TLN2: variants seen among roughly 807,000 people sequenced by gnomAD.
The protein encoded by TLN2 is talin-2.
A neutral mutation model predicts 294.7 loss-of-function variants in TLN2; 118 were observed. That is an observed-to-expected ratio of 0.40 (90% CI 0.34 to 0.47). The LOEUF (loss-of-function observed/expected upper bound fraction) is 0.47. TLN2 is among the 20% of genes least tolerant of loss of function. TLN2 has a pLI of 0.84. For synonymous variants in TLN2, 1,431 were observed against 1,304.5 expected, an observed-to-expected ratio of 1.10 and a Z score of -2.09; for missense variants, 3,083 against 3,282.2, an observed-to-expected ratio of 0.94 and a Z score of 1.48.
At chr15:62,840,434 G>C in intron 58 of TLN2, 48 bp from the exon 59 acceptor site, 1 of 1,608,882 alleles carries the variant, frequency 6.2e-7, no homozygotes, top group Non-Finnish European at 8.5e-7. Flanking sequence ...GGGTCGGAGG[G>C]TTTTCTACAA....
chr15:62,826,787 G>C (rs1029073014), intron 54 of TLN2, among the ~76,000 whole-genome samples: 2 of 152,192 alleles, frequency 1.3e-5, no homozygotes, highest in Non-Finnish European at 2.9e-5. Flanking sequence ...CCTCACTCCT[G>C]TTGTGGGAGT....
chr15:62,417,076 G>A (rs374749493), intron 1 of TLN2, among the ~76,000 whole-genome samples: 12 of 152,286 alleles, frequency 7.9e-5, no homozygotes, highest in African/African-American at 2.9e-4. Context: ...ACGTTGGGGA[G>A]TGCTGTGGAG....
intron 1 of TLN2, among the ~76,000 whole-genome samples, chr15:62,462,088 A>G (rs900456583): frequency 2.0e-5 from 3 of 151,898 alleles, no homozygotes; most frequent in Admixed American, 6.5e-5. Flanking sequence ...TACAAAAATT[A>G]GCCGGGCGTG....
chr15:62,406,483 C>G (rs2033413741), intron 1 of TLN2, among the ~76,000 whole-genome samples: 1 of 152,210 alleles, frequency 6.6e-6, no homozygotes. Context: ...TGCAGAGTAG[C>G]ACTACCCCAC....
In TLN2 at chr15:62,650,092, T is replaced by C; in HGVS notation, c.145T>C (p.Tyr49His). Residue 49 changes from tyrosine to histidine, a missense_variant, in exon 5 of 59, where the codon TAT becomes CAT. Transcript: ENST00000636159. ...PEAQTGQASD[Y>H]GLFLSDEDPR... ...TCCCATTTATATTTCAGCTTCTGAC[T>C]ATGGACTCTTTCTTTCGGATGAAGA... The C allele has an allele frequency of 6.2e-7, 1 of 1,614,146 alleles. No individual in the cohort carries two copies. The highest frequency in any genetic ancestry group is 8.5e-7 in the Non-Finnish European group (1 of 1,180,000).
chr15:62,572,695 T>G (rs555685561), intron 1 of TLN2, among the ~76,000 whole-genome samples: 1 of 152,256 alleles, frequency 6.6e-6, no homozygotes, highest in African/African-American at 2.4e-5. Flanking sequence ...CCTGACACTT[T>G]CTTTGCAAGC....
Position 62,800,620 on chromosome 15 carries a change from C to T in TLN2, c.6361-33C>T, listed in dbSNP as rs377585451. ...AGTAGGGGCTGGACCTGAGTCACTG[C>T]ACTATCTGTATTCATTCTCCCTTCC... On this transcript the variant is annotated intron_variant, in intron 49 of 58. Coordinates refer to ENST00000636159, the MANE Select transcript of TLN2 (RefSeq NM_015059.3). The T allele has an allele frequency of 3.7e-6, 6 of 1,612,340 alleles. No homozygotes were observed. In the African/African-American group the frequency reaches 6.7e-5, roughly 18 times the overall value.
At position 62,414,547 on chromosome 15, in the gene TLN2, C is replaced by T. The variant is rs1266622723; in HGVS notation, c.-238+23862C>T. On this transcript the variant is annotated intron_variant, in intron 1 of 58. Transcript: ENST00000636159. The stretch of plus-strand genomic sequence containing the variant: ...GAACCATACGCTCTGGGCTGGGGCT[C>T]AGGAACCGTTGTTTTAACAAGTTCT... Among the ~76,000 whole-genome samples, 3 of 140,476 alleles carry T rather than the reference C, an allele frequency of 2.1e-5. 1 individual carries two copies. Among genetic ancestry groups the T allele is most frequent in the Non-Finnish European group, 4.6e-5 (3 of 65,820 alleles). 92.2% of individuals were successfully genotyped at this position (140,476 alleles called of 152,430 possible). A position where few individuals can be genotyped will look rare whatever the true frequency, so the allele number is the denominator to read the frequency against.
At chr15:62,634,497 G>C (rs1186916859) in intron 3 of TLN2, among the ~76,000 whole-genome samples, 3 of 152,210 alleles carry the variant, frequency 2.0e-5, no homozygotes, top group African/African-American at 7.2e-5. Flanking sequence ...GTCCTCAACT[G>C]TGCTGTAGAG....
At chr15:62,431,642 G>T (rs1225043459) in intron 1 of TLN2, among the ~76,000 whole-genome samples, 1 of 152,176 alleles carries the variant, frequency 6.6e-6, no homozygotes, top group Non-Finnish European at 1.5e-5. Flanking sequence ...AAGTTTGGAT[G>T]CTGAAAGAAT....
At chr15:62,807,750 C>T (rs2066394634) in intron 51 of TLN2, among the ~76,000 whole-genome samples, 1 of 152,176 alleles carries the variant, frequency 6.6e-6, no homozygotes, top group African/African-American at 2.4e-5. Flanking sequence ...GTTATCTGGG[C>T]ATTGCAGGAC....
chr15:62,583,771 C>G (rs191327398), intron 1 of TLN2, among the ~76,000 whole-genome samples: 1 of 152,202 alleles, frequency 6.6e-6, no homozygotes, highest in East Asian at 1.9e-4. Flanking sequence ...AAGTAGAGTT[C>G]CTGTTCTCAT....
At chr15:62,564,936 A>ATG (rs2043276055) in intron 1 of TLN2, among the ~76,000 whole-genome samples, 3 of 147,600 alleles carry the variant, frequency 2.0e-5, no homozygotes, top group Non-Finnish European at 3.0e-5. Flanking sequence ...ATATATATAT[A>ATG]TATATACTGC....
intron 34 of TLN2, among the ~76,000 whole-genome samples, chr15:62,751,257 G>A (rs79114586): frequency 8.2e-4 from 125 of 152,268 alleles, no homozygotes; most frequent in African/African-American, 2.8e-3. Flanking sequence ...AATGGATGTC[G>A]AGCTGTTGCA....
At chr15:62,536,375 C>G (rs1302612429) in intron 1 of TLN2, among the ~76,000 whole-genome samples, 1 of 152,106 alleles carries the variant, frequency 6.6e-6, no homozygotes, top group African/African-American at 2.4e-5. Flanking sequence ...TCCCTCTTCC[C>G]TTCTCTCATC....
chr15:62,576,528 G>C lies in TLN2; in HGVS notation c.-237-13159G>C, dbSNP rs76787433. 3.8e-3 allele frequency among the ~76,000 whole-genome samples: 570 copies of C among 150,772 alleles called. 5 individuals are homozygous for C. The highest frequency in any genetic ancestry group is 0.013 in the African/African-American group (536 of 41,012). On this transcript the variant is annotated intron_variant, in intron 1 of 58. Transcript: ENST00000636159. The stretch of plus-strand genomic sequence containing the variant: ...TCCAAGGGGCAGGGAGGGAGCGCGA[G>C]AATTGCTGATACTTGCCCCATAAGT...
rs113980131 is a variant in TLN2 at position 62,698,244 on chromosome 15, GT to G, written c.1473+377del. Among the ~76,000 whole-genome samples, 3 of 152,272 alleles carry G rather than the reference GT, an allele frequency of 2.0e-5. 1 individual carries two copies. The highest frequency in any genetic ancestry group is 7.2e-5 in the African/African-American group (3 of 41,560). ...TCATTGATTCCTTTCCACTGTGCTG[GT>G]CTGTCCGGCTCAGTGCCTCTCAGGC... On this transcript the variant is annotated intron_variant, in intron 15 of 58. Transcript: ENST00000636159.
intron 1 of TLN2, among the ~76,000 whole-genome samples, chr15:62,561,828 A>G (rs778496951): frequency 6.6e-6 from 1 of 152,050 alleles, no homozygotes; most frequent in Non-Finnish European, 1.5e-5. Flanking sequence ...CTCTTGCAGT[A>G]TCCTGCTCCC....
intron 23 of TLN2, among the ~76,000 whole-genome samples, chr15:62,717,065 A>G (rs1436128698): frequency 2.6e-5 from 4 of 152,136 alleles, no homozygotes; most frequent in South Asian, 4.1e-4. Context: ...GCAGTCTGCT[A>G]TATTCTGGAA....
Sources: allele counts gnomAD v4.1 joint callset (sites outside exome capture counted in the v4.1 genomes callset), GRCh38; gene constraint gnomAD v4.1.1; transcripts MANE v1.5; gene names NCBI Gene and HGNC (gene_info 2026-07-23, HGNC 2026-07-21).